GPHN: variants seen among roughly 807,000 people sequenced by gnomAD.
The protein encoded by GPHN is gephyrin.
A neutral mutation model predicts 95.5 loss-of-function variants in GPHN; 17 were observed. The observed-to-expected ratio is 0.18, with a 90% CI of 0.12 to 0.27. GPHN has a LOEUF of 0.27. Ranked by LOEUF, GPHN falls within the 10% of genes least tolerant of loss-of-function variation. The pLI, the probability that GPHN is intolerant of heterozygous loss-of-function variation, is 1.00. For missense variants in GPHN, 660 were observed against 978.1 expected (o/e 0.67, Z 4.34); for synonymous variants, 320 against 322.5 (o/e 0.99, Z 0.08).
chr14:66,832,451 A>G (rs917682210), intron 4 of GPHN, among the ~76,000 whole-genome samples: 11 of 152,228 alleles, frequency 7.2e-5, no homozygotes, highest in African/African-American at 1.9e-4. Context: ...GTTAACTACA[A>G]ACATAATTGG....
chr14:67,575,921 G>A, the GPHN span: 1 of 1,613,914 alleles, frequency 6.2e-7, no homozygotes, highest in Non-Finnish European at 8.5e-7. Flanking sequence ...GAACCAGACG[G>A]TTGCTTTCCT....
intron 16 of GPHN, among the ~76,000 whole-genome samples, chr14:67,117,292 A>G (rs2078748076): frequency 6.6e-6 from 1 of 152,254 alleles, no homozygotes; most frequent in South Asian, 2.1e-4. Flanking sequence ...CTTTAAAAGT[A>G]CTTTCAAGTG....
At chr14:67,706,081 A>G in the GPHN span, 1 of 152,140 alleles carries the variant, frequency 6.6e-6, no homozygotes, top group African/African-American at 2.4e-5. Context: ...TAAGTTCAGC[A>G]TCAATATAGT....
chr14:66,623,670 T>G (rs1202577111), intron 1 of GPHN, among the ~76,000 whole-genome samples: 2 of 150,432 alleles, frequency 1.3e-5, no homozygotes, highest in Non-Finnish European at 2.9e-5. Flanking sequence ...TATGTGCCAC[T>G]TTCTCAGTTT....
the GPHN span, among the ~76,000 whole-genome samples, chr14:67,212,667 CACAT>C: frequency 7.9e-6 from 1 of 127,060 alleles, no homozygotes; most frequent in Non-Finnish European, 1.7e-5. Flanking sequence ...TATATATTTA[CACAT>C]ACATACAAAT....
intron 2 of GPHN, among the ~76,000 whole-genome samples, chr14:66,683,365 T>A: frequency 2.0e-5 from 2 of 101,974 alleles, no homozygotes; most frequent in Non-Finnish European, 3.6e-5. Flanking sequence ...TATATATATA[T>A]ATATATATAT....
At chr14:67,649,483 G>A in the GPHN span, 2 of 151,952 alleles carry the variant, frequency 1.3e-5, no homozygotes, top group South Asian at 4.2e-4. Context: ...TAATTTATAG[G>A]GTGGCAATAG....
At chr14:66,694,042 C>G (rs2153409365) in intron 2 of GPHN, among the ~76,000 whole-genome samples, 1 of 152,178 alleles carries the variant, frequency 6.6e-6, no homozygotes, top group South Asian at 2.1e-4. Context: ...GAAATAGACC[C>G]ATATAAATAT....
At chr14:67,257,889 A>G in the GPHN span, among the ~76,000 whole-genome samples, 1 of 152,166 alleles carries the variant, frequency 6.6e-6, no homozygotes, top group Non-Finnish European at 1.5e-5. Context: ...CACATATGCA[A>G]CACAAAAGTT....
the GPHN span, among the ~76,000 whole-genome samples, chr14:67,234,507 G>A: frequency 6.6e-6 from 1 of 152,144 alleles, no homozygotes; most frequent in African/African-American, 2.4e-5. Context: ...GTCAAGTTGA[G>A]TGAGTTCAAG....
the GPHN span, among the ~76,000 whole-genome samples, chr14:67,708,862 G>T: frequency 6.9e-6 from 1 of 145,492 alleles, no homozygotes; most frequent in Admixed American, 7.1e-5. Context: ...GTGCAATCTT[G>T]GCTCACGGCA....
At chr14:67,001,407 T>C (rs2153610917) in intron 9 of GPHN, among the ~76,000 whole-genome samples, 1 of 151,768 alleles carries the variant, frequency 6.6e-6, no homozygotes, top group Admixed American at 6.6e-5. Context: ...AGCAGTAAAA[T>C]GACAGCTCAC....
the GPHN span, chr14:67,600,208 C>A: frequency 5.7e-6 from 9 of 1,566,670 alleles, no homozygotes; most frequent in South Asian, 1.0e-4. Context: ...CTCCATGACG[C>A]CCCCACTCGG....
chr14:67,674,360 C>A, the GPHN span: 2 of 1,576,552 alleles, frequency 1.3e-6, no homozygotes, highest in Non-Finnish European at 1.7e-6. Flanking sequence ...ACGGCGTGGC[C>A]CACCCCCGCC....
intron 9 of GPHN, among the ~76,000 whole-genome samples, chr14:66,990,125 G>A (rs771019974): frequency 6.6e-6 from 1 of 152,064 alleles, no homozygotes; most frequent in Non-Finnish European, 1.5e-5. Flanking sequence ...TGTATATGGC[G>A]GCAGGAGGGG....
chr14:67,299,203 T>A, the GPHN span, among the ~76,000 whole-genome samples: 4 of 152,234 alleles, frequency 2.6e-5, no homozygotes, highest in Admixed American at 2.6e-4. Context: ...CTCTATCTTT[T>A]GTGAAATATC....
chr14:66,631,793 A>G (rs753567166), intron 1 of GPHN, among the ~76,000 whole-genome samples: 4 of 152,130 alleles, frequency 2.6e-5, no homozygotes, highest in Admixed American at 2.0e-4. Flanking sequence ...TATATTTTCT[A>G]TATTAGAGAA....
intron 9 of GPHN, among the ~76,000 whole-genome samples, chr14:66,977,154 G>A (rs1471677776): frequency 6.6e-6 from 1 of 152,080 alleles, no homozygotes; most frequent in Admixed American, 6.5e-5. Context: ...TATACAGGCC[G>A]GGCGCGGTGG....
intron 5 of GPHN, among the ~76,000 whole-genome samples, chr14:66,914,481 T>A (rs1257212458): frequency 6.6e-6 from 1 of 152,134 alleles, no homozygotes; most frequent in Non-Finnish European, 1.5e-5. Flanking sequence ...ATTAATCAAA[T>A]TCTTTGTACT....
Sources: gnomAD v4.1 joint callset for allele counts (sites outside exome capture counted in the v4.1 genomes callset) on GRCh38, gnomAD v4.1.1 for gene constraint, MANE v1.5 for transcripts, NCBI Gene and HGNC (gene_info 2026-07-23, HGNC 2026-07-21) for gene names.